The following LRRC4B variants were observed in gnomAD, a reference collection of about 807,000 sequenced individuals.
The protein encoded by LRRC4B is leucine rich repeat containing 4B, also known as leucine-rich repeat-containing protein 4B.
A neutral mutation model predicts 7.3 loss-of-function variants in LRRC4B; 1 was observed. The observed-to-expected ratio is 0.14, with a 90% CI of 0.05 to 0.65. The LOEUF (loss-of-function observed/expected upper bound fraction) is 0.65. Among genes scored for constraint, LRRC4B ranks in the 30% least tolerant of loss-of-function variants. LRRC4B has a pLI of 0.84. For missense variants in LRRC4B, 730 were observed against 1,041.6 expected (o/e 0.70, Z 4.12); for synonymous variants, 500 against 499.2 (o/e 1.00, Z -0.02).
rs1257072902 is a variant in LRRC4B at position 50,518,203 on chromosome 19, G to A, written c.1510C>T (p.Leu504=). 1.2e-6 allele frequency: 2 copies of A among 1,608,982 alleles called. No homozygotes were observed. The highest frequency in any genetic ancestry group is 2.2e-5 in the South Asian group (2 of 90,896). ...TCCTTCTCCGTCCCCCGCGGCTGCA[G>A]GGCCTCCTCTCCGGGCTGCGTCTCC... ...TLETQPGEEA[L]QPRGTEKEPP... Residue 504 remains leucine, a synonymous_variant, in exon 3 of 3, where the codon CTG becomes TTG. Transcript: ENST00000652263.
rs1357099413 is a variant in LRRC4B at position 50,548,873 on chromosome 19, G to T, written c.-35C>A. 4 of 1,404,080 alleles carry T rather than the reference G, an allele frequency of 2.8e-6. No homozygotes were observed. Among genetic ancestry groups the T allele is most frequent in the Non-Finnish European group, 3.7e-6 (4 of 1,068,472 alleles). 87.0% of individuals were successfully genotyped at this position (1,404,080 alleles called of 1,614,324 possible). On this transcript the variant is annotated splice_region_variant and 5_prime_UTR_variant, in exon 2 of 3. Transcript: ENST00000652263. This position sits in a 1 kb window ranked among gnomAD's most constrained non-coding sequence, Gnocchi z 6.8. ...TCATGCTCCGCGTGGACGCTGGGGG[G>T]CTGTGGGTGGGGGAGAGAAGGGGGA...
chr19:50,548,877 T>C lies in LRRC4B; in HGVS notation c.-35-4A>G. 1 of 485,082 alleles carries C rather than the reference T, an allele frequency of 2.1e-6. No individual in the cohort carries two copies. Among genetic ancestry groups the C allele is most frequent in the Non-Finnish European group, 2.7e-6 (1 of 375,670 alleles). The allele number at this position is 485,082 out of a possible 1,614,324, so 30.0% of individuals were successfully genotyped here. The stretch of plus-strand genomic sequence containing the variant: ...GCTCCGCGTGGACGCTGGGGGGCTG[T>C]GGGTGGGGGAGAGAAGGGGGAGAGG... On this transcript the variant is annotated splice_region_variant and splice_polypyrimidine_tract_variant and intron_variant, in intron 1 of 2. Coordinates refer to ENST00000652263, the MANE Select transcript of LRRC4B (RefSeq NM_001080457.2). The surrounding 1 kb of genome is among the most constrained non-coding windows in gnomAD (Gnocchi z 6.8).
chr19:50,539,643 C>T (rs948668109), intron 2 of LRRC4B, among the ~76,000 whole-genome samples: 1 of 151,782 alleles, frequency 6.6e-6, no homozygotes. Context: ...AATCCCAGCA[C>T]TTTGGGAGGC....
At chr19:50,566,843 G>A (rs1450531259) in intron 1 of LRRC4B, among the ~76,000 whole-genome samples, 1 of 149,938 alleles carries the variant, frequency 6.7e-6, no homozygotes, top group African/African-American at 2.5e-5. Context: ...GTCATAGAAG[G>A]ATGTTTCAGA....
At position 50,555,101 on chromosome 19, in the gene LRRC4B, C is replaced by A. The variant is rs1982225662; in HGVS notation, c.-35-6228G>T. Among the ~76,000 whole-genome samples, 1 of 152,214 alleles carries A rather than the reference C, an allele frequency of 6.6e-6. No individual in the cohort carries two copies. The highest frequency in any genetic ancestry group is 2.4e-5 in the African/African-American group (1 of 41,464). On this transcript the variant is annotated intron_variant, in intron 1 of 2. Transcript: ENST00000652263. The surrounding 1 kb of genome is among the most constrained non-coding windows in gnomAD (Gnocchi z 5.2). ...AGGCTCCATGGACTGCCCTCTGCCC[C>A]CACGCACCCCTAGTAGTGATGGGAA...
At chr19:50,536,745 C>T (rs569918120) in intron 2 of LRRC4B, among the ~76,000 whole-genome samples, 3 of 152,194 alleles carry the variant, frequency 2.0e-5, no homozygotes, top group South Asian at 2.1e-4. Flanking sequence ...TGGAGAAGAG[C>T]GCCTGGCACA....
In LRRC4B at chr19:50,556,256, C is replaced by T. The variant is rs1320925243; in HGVS notation, c.-35-7383G>A. Among the ~76,000 whole-genome samples, 3 of 145,078 alleles carry T rather than the reference C, an allele frequency of 2.1e-5. No individual in the cohort carries two copies. Among genetic ancestry groups the T allele is most frequent in the Non-Finnish European group, 4.5e-5 (3 of 66,028 alleles). On this transcript the variant is annotated intron_variant, in intron 1 of 2. Coordinates refer to ENST00000652263, the MANE Select transcript of LRRC4B (RefSeq NM_001080457.2). The surrounding 1 kb of genome is among the most constrained non-coding windows in gnomAD (Gnocchi z 4.2). ...ACAGGCGGCCCGTGCAGTGGGGGTGCAGTCGGGGTGGGGGTGAGGTGCAGT... is the reference window on the plus strand; with the variant it reads ...ACAGGCGGCCCGTGCAGTGGGGGTGTAGTCGGGGTGGGGGTGAGGTGCAGT...
chr19:50,521,785 C>A (rs1249343679), intron 2 of LRRC4B, among the ~76,000 whole-genome samples: 2 of 151,704 alleles, frequency 1.3e-5, no homozygotes, highest in Admixed American at 1.3e-4. Context: ...TTCTTGAACT[C>A]CCAATCTGAA....
intron 1 of LRRC4B, among the ~76,000 whole-genome samples, chr19:50,562,809 C>T (rs1028703630): frequency 6.7e-6 from 1 of 148,944 alleles, no homozygotes; most frequent in Non-Finnish European, 1.5e-5. Flanking sequence ...GGCATGATCT[C>T]GGCTCACTGC....
At chr19:50,521,329 A>C (rs921282902) in intron 2 of LRRC4B, among the ~76,000 whole-genome samples, 1 of 152,152 alleles carries the variant, frequency 6.6e-6, no homozygotes, top group Admixed American at 6.6e-5. Context: ...GAAAGGTGCT[A>C]CATTGGCGTG....
At chr19:50,557,468 T>A (rs930244146) in intron 1 of LRRC4B, among the ~76,000 whole-genome samples, 39 of 152,178 alleles carry the variant, frequency 2.6e-4, no homozygotes, top group African/African-American at 9.4e-4. Flanking sequence ...CTGATGATGC[T>A]GCATGGGGCT....
At position 50,519,030 on chromosome 19, in the gene LRRC4B, A is replaced by G; in HGVS notation, c.683T>C (p.Leu228Pro). 1 of 1,611,238 alleles carries G rather than the reference A, an allele frequency of 6.2e-7. No individual in the cohort carries two copies. The highest frequency in any genetic ancestry group is 8.5e-7 in the Non-Finnish European group (1 of 1,179,804). ...CAGCTCCAGCTCCTCCAGGCGCACCAGGGCCGTCAGGTTGGGGATGTCCTT... is the reference window on the plus strand; with the variant it reads ...CAGCTCCAGCTCCTCCAGGCGCACCGGGGCCGTCAGGTTGGGGATGTCCTT... ...NLKDIPNLTA[L>P]VRLEELELSG... Residue 228 changes from leucine (L) to proline (P), a missense_variant, in exon 3 of 3, where the codon CTG (leucine) becomes CCG (proline). Around this residue, in one of 6 missense-constraint regions of LRRC4B, gnomAD observed 226 missense variants for 448.0 expected, o/e 0.50. Coordinates refer to ENST00000652263, the MANE Select transcript of LRRC4B (RefSeq NM_001080457.2). The surrounding 1 kb of genome is among the most constrained non-coding windows in gnomAD (Gnocchi z 8.1).
chr19:50,552,642 A>ATCCATCTG (rs1568733958), intron 1 of LRRC4B, among the ~76,000 whole-genome samples: 3 of 103,008 alleles, frequency 2.9e-5, no homozygotes, highest in African/African-American at 1.2e-4. Flanking sequence ...CCATCCGCCC[A>ATCCATCTG]TCCGTCCATC....
intron 2 of LRRC4B, among the ~76,000 whole-genome samples, chr19:50,545,504 C>T (rs545994790): frequency 2.5e-4 from 38 of 151,900 alleles, no homozygotes; most frequent in African/African-American, 8.7e-4. Context: ...TCACTTGAGC[C>T]AGGGAAGTTA....
At chr19:50,562,722 C>T (rs957633917) in intron 1 of LRRC4B, among the ~76,000 whole-genome samples, 4 of 149,338 alleles carry the variant, frequency 2.7e-5, no homozygotes, top group Non-Finnish European at 5.9e-5. Flanking sequence ...TCCTCCTCTC[C>T]ATCCAGGGTT....
Position 50,518,274 on chromosome 19 carries a change from C to T in LRRC4B, c.1439G>A (p.Gly480Asp), listed in dbSNP as rs763656818. ...GGTGAAGTAGGTGTAGCCGCCACTG[C>T]CCCCTCCAACACCACCACTGCCCCC... Reference protein sequence around the residue: ...GPGGSGGVGGGSGGYTYFTTV... With the variant: ...GPGGSGGVGGDSGGYTYFTTV... The change falls in exon 3 of 3, where the codon GGC (glycine) becomes GAC (aspartate). Residue 480 changes from glycine to aspartate, a missense_variant. Gly to Asp is a moderately conservative substitution (Grantham distance 94). This residue lies in a region of LRRC4B where 192 missense variants were observed against 228.6 expected (regional missense o/e 0.84). Transcript: ENST00000652263. 1.9e-6 allele frequency: 3 copies of T among 1,599,878 alleles called. No homozygotes were observed. Among genetic ancestry groups the T allele is most frequent in the South Asian group, 2.2e-5 (2 of 89,998 alleles).
At chr19:50,546,291 C>T (rs980363956) in intron 2 of LRRC4B, among the ~76,000 whole-genome samples, 4 of 152,038 alleles carry the variant, frequency 2.6e-5, no homozygotes, top group Admixed American at 6.5e-5. Flanking sequence ...GCCAACGTTG[C>T]GCCACTGCAC....
At chr19:50,530,013 C>T (rs1261404684) in intron 2 of LRRC4B, among the ~76,000 whole-genome samples, 6 of 151,572 alleles carry the variant, frequency 4.0e-5, no homozygotes, top group Non-Finnish European at 5.9e-5. Flanking sequence ...CCGTCCAAAG[C>T]GGGGCTGCGG....
intron 1 of LRRC4B, among the ~76,000 whole-genome samples, chr19:50,558,654 G>A (rs1982362571): frequency 6.6e-6 from 1 of 152,262 alleles, no homozygotes; most frequent in African/African-American, 2.4e-5. Context: ...GACGTATGTC[G>A]AGAAGGAGCA....
Sources: gnomAD v4.1 joint callset for allele counts (sites outside exome capture counted in the v4.1 genomes callset) on GRCh38, gnomAD v4.1.1 for gene constraint, gnomAD v4.1.1 regional missense constraint, Gnocchi (gnomAD v3.1) non-coding constraint, MANE v1.5 for transcripts, NCBI Gene and HGNC (gene_info 2026-07-23, HGNC 2026-07-21) for gene names.